Variants in ANKMY1 observed in about 807,000 individuals in gnomAD.
ANKMY1 encodes ankyrin repeat and MYND domain-containing protein 1.
ANKMY1 carries 98 observed loss-of-function variants against 102.0 expected under a neutral mutation model. The ratio of observed to expected loss-of-function variants is 0.96; its 90% confidence interval spans 0.82 to 1.14. The LOEUF (loss-of-function observed/expected upper bound fraction) is 1.14, where lower values mean the gene tolerates loss of function less well. Among genes scored for constraint, ANKMY1 ranks in the 50% most tolerant of loss-of-function variants. ANKMY1 has a pLI of 0.00. For synonymous variants in ANKMY1, 582 were observed against 559.9 expected (o/e 1.04, Z -0.56); for missense variants, 1,330 against 1,347.6 (o/e 0.99, Z 0.20).
chr2:240,521,425 C>T (rs1023683753), intron 8 of ANKMY1, among the ~76,000 whole-genome samples: 16 of 149,512 alleles, frequency 1.1e-4, no homozygotes, highest in African/African-American at 2.7e-4. Flanking sequence ...AGGATCTATG[C>T]CTTTCTGGTG....
intron 4 of ANKMY1, among the ~76,000 whole-genome samples, chr2:240,535,982 G>A (rs1199567599): frequency 6.6e-6 from 1 of 152,148 alleles, no homozygotes; most frequent in Non-Finnish European, 1.5e-5. Flanking sequence ...CAAAGTCTGG[G>A]TCATAAAGCA....
upstream of ANKMY1, among the ~76,000 whole-genome samples, chr2:240,559,602 A>T (rs373256583): frequency 4.6e-5 from 7 of 152,358 alleles, no homozygotes; most frequent in East Asian, 1.2e-3. Context: ...AGGGAAAAAA[A>T]GGGAATTCCA....
intron 4 of ANKMY1, among the ~76,000 whole-genome samples, chr2:240,546,061 G>A (rs1230865514): frequency 6.6e-6 from 1 of 152,044 alleles, no homozygotes; most frequent in African/African-American, 2.4e-5. Context: ...ATAATTGTCA[G>A]ATTCACCAAA....
intron 2 of ANKMY1, among the ~76,000 whole-genome samples, chr2:240,556,133 C>T (rs2092321084): frequency 1.3e-5 from 2 of 152,190 alleles, no homozygotes; most frequent in African/African-American, 4.8e-5. Flanking sequence ...CCATCATGGG[C>T]TCCATCTTCA....
At chr2:240,482,858 A>G (rs989341539) in intron 15 of ANKMY1, among the ~76,000 whole-genome samples, 1 of 152,100 alleles carries the variant, frequency 6.6e-6, no homozygotes, top group African/African-American at 2.4e-5. Context: ...CTTCTGCCTA[A>G]TTTTTTGATC....
At position 240,555,035 on chromosome 2, in the gene ANKMY1, T is replaced by G. The variant is rs774318061; in HGVS notation, c.167A>C (p.Glu56Ala). Residue 56 changes from glutamate (E) to alanine (A), a missense_variant, in exon 3 of 18, where the codon GAG (glutamate) becomes GCG (alanine). Transcript: ENST00000401804. ...GCCCTCAGCTTCCTCCTCTTCCTTC[T>G]CAGGGGCTGCTGAAACATCCCTAAA... ...FATRDVSAAP[E>A]KEEEEAEGPL... is the part of the protein sequence containing the mutation. The G allele has an allele frequency of 6.2e-7, 1 of 1,613,854 alleles. No individual in the cohort carries two copies. The highest frequency in any genetic ancestry group is 1.3e-5 in the African/African-American group (1 of 74,934).
chr2:240,504,610 G>T (rs2078747431), intron 13 of ANKMY1, among the ~76,000 whole-genome samples: 1 of 151,794 alleles, frequency 6.6e-6, no homozygotes, highest in African/African-American at 2.4e-5. Context: ...ATTGCCAAAG[G>T]AGTTGAATAG....
Position 240,520,279 on chromosome 2 carries a change from G to C in ANKMY1, c.2004+83C>G. 1 of 1,487,066 alleles carries C rather than the reference G, an allele frequency of 6.7e-7. No individual in the cohort carries two copies. The highest frequency in any genetic ancestry group is 1.3e-5 in the South Asian group (1 of 76,584). 92.1% of individuals were successfully genotyped at this position (1,487,066 alleles called of 1,614,324 possible). A position where few individuals can be genotyped will look rare whatever the true frequency, so the allele number is the denominator to read the frequency against. On this transcript the variant is annotated intron_variant, in intron 9 of 17. Coordinates refer to ENST00000401804, the MANE Select transcript of ANKMY1 (RefSeq NM_001282771.3). The surrounding 1 kb of genome is among the most constrained non-coding windows in gnomAD (Gnocchi z 4.8). ...GCAAGAGCCCACCCCTCTCTTCCGC[G>C]CCTAGGTGGAGCGAGGAGCTTCCCG...
At chr2:240,552,672 G>T in intron 4 of ANKMY1, 1 of 542,368 alleles carries the variant, frequency 1.8e-6, no homozygotes, top group Non-Finnish European at 3.2e-6. Context: ...ATAAACACGT[G>T]CGTTTCTTAA....
intron 13 of ANKMY1, among the ~76,000 whole-genome samples, chr2:240,503,314 G>GT (rs2078530111): frequency 6.6e-6 from 1 of 152,196 alleles, no homozygotes; most frequent in Non-Finnish European, 1.5e-5. Context: ...AGAAATGTTC[G>GT]TGAGAAGAGG....
the ANKMY1 span, among the ~76,000 whole-genome samples, chr2:240,474,287 T>TC: frequency 7.5e-6 from 1 of 133,878 alleles, no homozygotes; most frequent in Non-Finnish European, 1.7e-5. Flanking sequence ...TTTTTTTTTT[T>TC]TTAGTAGAGA....
chr2:240,560,422 T>C (rs2092865948), upstream of ANKMY1: 2 of 357,410 alleles, frequency 5.6e-6, no homozygotes, highest in East Asian at 4.7e-5. Context: ...ACAGAGAACA[T>C]GGGACGCAGA....
intron 4 of ANKMY1, among the ~76,000 whole-genome samples, chr2:240,534,764 C>T (rs991012997): frequency 6.6e-6 from 1 of 152,154 alleles, no homozygotes; most frequent in Non-Finnish European, 1.5e-5. Context: ...TTCTAACATA[C>T]CTTTCTCAGT....
chr2:240,554,926 C>T lies in ANKMY1; in HGVS notation c.276G>A (p.Gln92=). ...VQEWQDGCMY[Q]GEFGLNMKLG... The stretch of plus-strand genomic sequence containing the variant: ...GCTTCATGTTCAACCCAAACTCCCC[C>T]TGGTACATGCAACCATCCTGCCACT... Residue 92 remains glutamine (Q), a synonymous_variant, in exon 3 of 18, where the codon CAG becomes CAA. Coordinates refer to ENST00000401804, the MANE Select transcript of ANKMY1 (RefSeq NM_001282771.3). 1.9e-6 allele frequency: 3 copies of T among 1,614,210 alleles called. No homozygotes were observed. Among genetic ancestry groups the T allele is most frequent in the Non-Finnish European group, 2.5e-6 (3 of 1,180,036 alleles).
chr2:240,527,463 G>A (rs1425268086), intron 5 of ANKMY1: 1 of 152,946 alleles, frequency 6.5e-6, no homozygotes, highest in South Asian at 2.1e-4. Flanking sequence ...CTGGATGAAT[G>A]GATGTTCCAT....
chr2:240,499,927 GGAGCA>G lies in ANKMY1; in HGVS notation c.2806+26_2806+30del, dbSNP rs1006516871. 5 of 1,585,370 alleles carry G rather than the reference GGAGCA, an allele frequency of 3.2e-6. No individual in the cohort carries two copies. The highest frequency in any genetic ancestry group is 2.2e-5 in the South Asian group (2 of 89,066). On this transcript the variant is annotated intron_variant, in intron 15 of 17. Transcript: ENST00000401804. This position sits in a 1 kb window ranked among gnomAD's most constrained non-coding sequence, Gnocchi z 4.2. ...GCACGAGGCCGGAACGCCGCCCTGT[GGAGCA>G]GAGCAGAGCAGGGCCCACTGCTCAC...
intron 7 of ANKMY1, among the ~76,000 whole-genome samples, chr2:240,524,776 TA>T (rs1232068570): frequency 6.6e-6 from 1 of 152,280 alleles, no homozygotes; most frequent in Non-Finnish European, 1.5e-5. Flanking sequence ...TTAAATATAT[TA>T]TTAAAATTAA....
At chr2:240,475,032 TTCCCACC>T (rs1413060477), downstream of ANKMY1, among the ~76,000 whole-genome samples, 1 of 152,226 alleles carries the variant, frequency 6.6e-6, no homozygotes, top group African/African-American at 2.4e-5. Context: ...CTAATTTACA[TTCCCACC>T]AGCAATGCAT....
In ANKMY1 at chr2:240,555,021, C is replaced by T; in HGVS notation, c.181G>A (p.Glu61Lys). ...TGCGCCCTCAGCGGGCCCTCAGCTT[C>T]CTCCTCTTCCTTCTCAGGGGCTGCT... ...VSAAPEKEEE[E>K]AEGPLRAQDL... Residue 61 changes from glutamate to lysine, a missense_variant, in exon 3 of 18, where the codon GAA (glutamate) becomes AAA (lysine). Coordinates refer to ENST00000401804, the MANE Select transcript of ANKMY1 (RefSeq NM_001282771.3). 1 of 1,614,104 alleles carries T rather than the reference C, an allele frequency of 6.2e-7. No homozygotes were observed. The highest frequency in any genetic ancestry group is 8.5e-7 in the Non-Finnish European group (1 of 1,179,978).
Sources: allele counts gnomAD v4.1 joint callset (sites outside exome capture counted in the v4.1 genomes callset), GRCh38; gene constraint gnomAD v4.1.1; non-coding constraint Gnocchi (gnomAD v3.1); transcripts MANE v1.5; gene names NCBI Gene and HGNC (gene_info 2026-07-23, HGNC 2026-07-21).